Variants in RFTN1 observed in about 807,000 individuals in gnomAD.
The protein encoded by RFTN1 is raftlin, lipid raft linker 1, also known as raftlin.
In RFTN1, 26 loss-of-function variants were observed where a neutral mutation model predicts 46.5. The observed-to-expected ratio is 0.56, with a 90% CI of 0.41 to 0.78. The LOEUF is 0.78. RFTN1 is among the 30% of genes least tolerant of loss of function. The probability of loss-of-function intolerance (pLI) is 0.00; values close to 1 mark genes in which losing one functional copy is unlikely to be tolerated. For missense variants in RFTN1, 693 were observed against 718.7 expected, an observed-to-expected ratio of 0.96 and a Z score of 0.41; for synonymous variants, 261 against 284.2, an observed-to-expected ratio of 0.92 and a Z score of 0.82.
intron 8 of RFTN1, among the ~76,000 whole-genome samples, chr3:16,324,615 C>CCCCG: frequency 7.1e-6 from 1 of 141,392 alleles, no homozygotes; most frequent in Middle Eastern, 3.8e-3. Flanking sequence ...TGTCCCTGAC[C>CCCCG]CCCCCCCTTT....
In RFTN1 at chr3:16,317,213, C is replaced by T. The variant is rs375237112; in HGVS notation, c.1352G>A (p.Arg451Lys). 48 of 1,612,728 alleles carry T rather than the reference C, an allele frequency of 3.0e-5. No homozygotes were observed. The highest frequency in any genetic ancestry group is 4.1e-5 in the Non-Finnish European group (48 of 1,179,982). The change falls in exon 10 of 10, where the codon AGA becomes AAA. Residue 451 changes from arginine (R) to lysine (K), a missense_variant. By Grantham distance (26) the Arg-to-Lys change is conservative. Transcript: ENST00000334133. The surrounding 1 kb of genome is among the most constrained non-coding windows in gnomAD (Gnocchi z 4.3). ...CATCTGCCTGTTGTGCATTTCTTCT[C>T]TGGAGAATCGCCACTGAAACTAGAA... Reference protein sequence around the residue: ...KESKFQWRFSREEMHNRQMRK... With the variant: ...KESKFQWRFSKEEMHNRQMRK...
rs905143932 is a variant in RFTN1 at position 16,457,467 on chromosome 3, C to T, written c.146-23430G>A. ...GAACATAGTAGTACTCAATAAATGC[C>T]GGTTATCATTATACCTTCTTTTACG... On this transcript the variant is annotated intron_variant, in intron 2 of 9. Transcript: ENST00000334133. The surrounding 1 kb of genome is among the most constrained non-coding windows in gnomAD (Gnocchi z 4.2). Among the ~76,000 whole-genome samples, 1 of 152,100 alleles carries T rather than the reference C, an allele frequency of 6.6e-6. No individual in the cohort carries two copies. Among genetic ancestry groups the T allele is most frequent in the African/African-American group, 2.4e-5 (1 of 41,404 alleles).
chr3:16,434,839 C>A (rs1400737830), intron 2 of RFTN1: 1 of 152,084 alleles, frequency 6.6e-6, no homozygotes, highest in Non-Finnish European at 1.5e-5. Flanking sequence ...ACTCCCCACC[C>A]CAAAATAATT....
At chr3:16,412,459 T>A (rs545241751) in intron 3 of RFTN1, among the ~76,000 whole-genome samples, 1 of 152,312 alleles carries the variant, frequency 6.6e-6, no homozygotes, top group South Asian at 2.1e-4. Flanking sequence ...ACTAATCCTA[T>A]GAAAAACAGC....
chr3:16,511,639 G>C (rs1346604), intron 1 of RFTN1, among the ~76,000 whole-genome samples: 79,114 of 151,788 alleles, frequency 0.52, 21,088 homozygotes, highest in African/African-American at 0.61. Flanking sequence ...GGACCACATA[G>C]TTTCAATTCT....
In RFTN1 at chr3:16,357,989, A is replaced by G. The variant is rs143370774; in HGVS notation, c.1089T>C (p.Asp363=). Residue 363 remains aspartate, a synonymous_variant, in exon 7 of 10, where the codon GAT becomes GAC. Coordinates refer to ENST00000334133, the MANE Select transcript of RFTN1 (RefSeq NM_015150.2). ...CATCATAGCCCTGTATGGTTTTGCT[A>G]TCTTCTGTGGAAACAGCTTCAAAGA... ...VFIFEAVSTE[D]SKTIQGYDAI... is the part of the protein sequence containing the mutation. The G allele has an allele frequency of 1.4e-4, 226 of 1,603,154 alleles. No homozygotes were observed. Among genetic ancestry groups the G allele is most frequent in the African/African-American group, 9.0e-4 (66 of 73,392 alleles).
chr3:16,505,686 G>A (rs2076792939), intron 1 of RFTN1, among the ~76,000 whole-genome samples: 1 of 152,160 alleles, frequency 6.6e-6, no homozygotes, highest in Non-Finnish European at 1.5e-5. Context: ...CCACATGATG[G>A]AGGGTGATCT....
In RFTN1 at chr3:16,321,509, G is replaced by T. The variant is rs933758244; in HGVS notation, c.1332+1867C>A. Among the ~76,000 whole-genome samples the T allele has an allele frequency of 2.0e-5, 3 of 152,158 alleles. No individual in the cohort carries two copies. Among genetic ancestry groups the T allele is most frequent in the Non-Finnish European group, 2.9e-5 (2 of 68,014 alleles). On this transcript the variant is annotated intron_variant, in intron 9 of 9. Coordinates refer to ENST00000334133, the MANE Select transcript of RFTN1 (RefSeq NM_015150.2). The surrounding 1 kb of genome is among the most constrained non-coding windows in gnomAD (Gnocchi z 4.8). ...AGGGGACACAGGCCTGTGGGAGTAG[G>T]ACGCTGACCCTTGTCAGCTGAGGAG...
In RFTN1 at chr3:16,440,965, C is replaced by A. The variant is rs1344985054; in HGVS notation, c.146-6928G>T. Reference sequence around the variant, plus strand: ...GGAGGAGGATGTCATTCTGTTCATCCCACATCATCACAAGGTACATCAAAA... The same window carrying A: ...GGAGGAGGATGTCATTCTGTTCATCACACATCATCACAAGGTACATCAAAA... On this transcript the variant is annotated intron_variant, in intron 2 of 9. Coordinates refer to ENST00000334133, the MANE Select transcript of RFTN1 (RefSeq NM_015150.2). The surrounding 1 kb of genome is among the most constrained non-coding windows in gnomAD (Gnocchi z 4.6). Among the ~76,000 whole-genome samples the A allele has an allele frequency of 6.6e-6, 1 of 152,060 alleles. No homozygotes were observed. The highest frequency in any genetic ancestry group is 1.5e-5 in the Non-Finnish European group (1 of 68,014).
At chr3:16,375,420 CT>C (rs2073729079) in intron 5 of RFTN1, among the ~76,000 whole-genome samples, 1 of 151,864 alleles carries the variant, frequency 6.6e-6, no homozygotes, top group African/African-American at 2.4e-5. Flanking sequence ...TAAAATGGAT[CT>C]AGTAATAGCA....
chr3:16,319,453 A>C (rs1320181024), intron 9 of RFTN1, among the ~76,000 whole-genome samples: 1 of 152,102 alleles, frequency 6.6e-6, no homozygotes, highest in East Asian at 1.9e-4. Context: ...GGTTGTCTCT[A>C]CCTCCAGGGC....
At position 16,425,766 on chromosome 3, in the gene RFTN1, A is replaced by G. The variant is rs1290971213; in HGVS notation, c.332+8085T>C. ...ACGGTGAATCCTGAAACTTCAACAC[A>G]CCAGAAAAGGGTGTCACTCCAGAGT... On this transcript the variant is annotated intron_variant, in intron 3 of 9. Coordinates refer to ENST00000334133, the MANE Select transcript of RFTN1 (RefSeq NM_015150.2). This position sits in a 1 kb window ranked among gnomAD's most constrained non-coding sequence, Gnocchi z 4.3. 6.6e-6 allele frequency among the ~76,000 whole-genome samples: 1 copy of G among 152,136 alleles called. No homozygotes were observed. Among genetic ancestry groups the G allele is most frequent in the East Asian group, 1.9e-4 (1 of 5,188 alleles).
chr3:16,491,590 A>G (rs1442158795), intron 2 of RFTN1, among the ~76,000 whole-genome samples: 1 of 152,234 alleles, frequency 6.6e-6, no homozygotes, highest in Non-Finnish European at 1.5e-5. Flanking sequence ...GCTGAAGCTC[A>G]GGGAAACAAA....
chr3:16,332,931 C>T (rs767990884), intron 7 of RFTN1, among the ~76,000 whole-genome samples: 3 of 152,128 alleles, frequency 2.0e-5, no homozygotes, highest in Non-Finnish European at 4.4e-5. Flanking sequence ...GACTATTGAA[C>T]CATTGCCCAT....
rs1482927800 is a variant in RFTN1 at position 16,345,279 on chromosome 3, T to TGTGTGTGC, written c.1146+12652_1146+12653insGCACACAC. The TGTGTGTGC allele has an allele frequency of 6.6e-6, 1 of 151,714 alleles. No individual in the cohort carries two copies. The highest frequency in any genetic ancestry group is 2.4e-5 in the African/African-American group (1 of 41,122). 9.4% of individuals were successfully genotyped at this position (151,714 alleles called of 1,614,324 possible). A position where few individuals can be genotyped will look rare whatever the true frequency, so the allele number is the denominator to read the frequency against. ...AAGTAGGTGGTTGTGTGTGTGTGTG[T>TGTGTGTGC]GTGTGTGTGTGTGTGTGTGTGTTTA... On this transcript the variant is annotated intron_variant, in intron 7 of 9. Coordinates refer to ENST00000334133, the MANE Select transcript of RFTN1 (RefSeq NM_015150.2). The surrounding 1 kb of genome is among the most constrained non-coding windows in gnomAD (Gnocchi z 5.2).
intron 4 of RFTN1, among the ~76,000 whole-genome samples, chr3:16,390,478 G>A (rs1247315362): frequency 6.6e-6 from 1 of 151,254 alleles, no homozygotes; most frequent in Non-Finnish European, 1.5e-5. Context: ...GTAGCCTTGA[G>A]GTAAATAAAC....
At chr3:16,493,514 T>A (rs2076575733) in intron 2 of RFTN1, among the ~76,000 whole-genome samples, 1 of 152,172 alleles carries the variant, frequency 6.6e-6, no homozygotes, top group African/African-American at 2.4e-5. Flanking sequence ...ATTACAGGCG[T>A]GAACCACTGT....
chr3:16,388,688 A>G (rs983100739), intron 4 of RFTN1, among the ~76,000 whole-genome samples: 1 of 152,150 alleles, frequency 6.6e-6, no homozygotes, highest in African/African-American at 2.4e-5. Context: ...AAAAGAAAAG[A>G]AGTAGCAATA....
chr3:16,356,054 C>T lies in RFTN1; in HGVS notation c.1146+1878G>A, dbSNP rs2072414069. Among the ~76,000 whole-genome samples, 1 of 152,198 alleles carries T rather than the reference C, an allele frequency of 6.6e-6. No homozygotes were observed. The highest frequency in any genetic ancestry group is 2.4e-5 in the African/African-American group (1 of 41,450). On this transcript the variant is annotated intron_variant, in intron 7 of 9. Transcript: ENST00000334133. The surrounding 1 kb of genome is among the most constrained non-coding windows in gnomAD (Gnocchi z 4.9). ...CAAACTGAATGCCGGCTGCTCAGTC[C>T]TTCAGATCCTCAACTCTTGGCATTT... is the stretch of plus-strand genomic sequence containing the variant.
Sources: allele counts gnomAD v4.1 joint callset (sites outside exome capture counted in the v4.1 genomes callset), GRCh38; gene constraint gnomAD v4.1.1; non-coding constraint Gnocchi (gnomAD v3.1); transcripts MANE v1.5; gene names NCBI Gene and HGNC (gene_info 2026-07-23, HGNC 2026-07-21).